The following GNB3 variants were observed in gnomAD, a reference collection of about 807,000 sequenced individuals.
GNB3 encodes the protein G protein subunit beta 3, also known as guanine nucleotide-binding protein G(I)/G(S)/G(T) subunit beta-3.
In GNB3, 33 loss-of-function variants were observed where a neutral mutation model predicts 41.2. The observed-to-expected ratio is 0.80, with a 90% CI of 0.61 to 1.07. The LOEUF is 1.07. Among genes scored for constraint, GNB3 ranks in the 50% least tolerant of loss-of-function variants. The pLI is 0.00. For synonymous variants in GNB3, 172 were observed against 173.4 expected, an observed-to-expected ratio of 0.99 and a Z score of 0.06; for missense variants, 409 against 455.3, an observed-to-expected ratio of 0.90 and a Z score of 0.92.
At chr12:6,841,075 G>GA in intron 1 of GNB3, 42 bp downstream of exon 1, 1 of 588,170 alleles carries the variant, frequency 1.7e-6, no homozygotes, top group East Asian at 2.9e-5. Context: ...CTGGGCTGGG[G>GA]CGCAGGCAGG....
chr12:6,841,441 T>A, intron 2 of GNB3, 97 bp downstream of exon 2: 2 of 1,227,112 alleles, frequency 1.6e-6, no homozygotes, highest in Non-Finnish European at 2.4e-6. Flanking sequence ...CTTGAGTGAC[T>A]AGAAGTGACC....
intron 3 of GNB3, among the ~76,000 whole-genome samples, chr12:6,842,115 ATGAGCCAGATAC>A (rs1555123538): frequency 6.6e-6 from 1 of 152,222 alleles, no homozygotes; most frequent in Non-Finnish European, 1.5e-5. Context: ...AACACTTTTT[ATGAGCCAGATAC>A]TGGGCTAAGC....
At position 6,841,543 on chromosome 12, in the gene GNB3, C is replaced by T. The variant is rs1478140950; in HGVS notation, c.58-43C>T. The T allele has an allele frequency of 3.2e-6, 5 of 1,563,156 alleles. No homozygotes were observed. The Admixed American group carries it at 5.1e-5, about 16-fold the overall frequency. On this transcript the variant is annotated intron_variant, in intron 2 of 9. Coordinates refer to ENST00000229264, the MANE Select transcript of GNB3 (RefSeq NM_002075.4). ...CCCTGAAGGCCCATGCACCTGCCAC[C>T]CCCACCTCGCCCTTGCTCCCCTGAT...
In GNB3 at chr12:6,841,336, CA is replaced by C; in HGVS notation, c.50del (p.Gln17ArgfsTer21). 1 of 1,613,322 alleles carries C rather than the reference CA, an allele frequency of 6.2e-7. No individual in the cohort carries two copies. Among genetic ancestry groups the C allele is most frequent in the Non-Finnish European group, 8.5e-7 (1 of 1,179,590 alleles). On this transcript the variant is annotated frameshift_variant, in exon 2 of 10. Transcript: ENST00000229264. LOFTEE classifies it high-confidence loss of function. ...TCAGGAAGCGGAGCAGCTCAAGAAG[CA>C]GATTGCAGTAACTCCAGAGCCCTAC... is the stretch of plus-strand genomic sequence containing the variant. ...LRQEAEQLKKQIADARKACAD... is the reference protein window; with the variant it reads ...LRQEAEQLKKXIADARKACAD...
chr12:6,846,701 C>G (rs76214301), intron 9 of GNB3, 91 bp from the exon 10 acceptor site: 4 of 683,702 alleles, frequency 5.9e-6, no homozygotes, highest in Admixed American at 4.3e-5. Flanking sequence ...ACACACACAC[C>G]CACACACCCA....
intron 3 of GNB3, chr12:6,841,898 T>C (rs1943583077): frequency 7.8e-6 from 5 of 642,298 alleles, no homozygotes; most frequent in Middle Eastern, 4.9e-4. Flanking sequence ...GAAGCGATAG[T>C]ACTTTGTAAA....
In GNB3 at chr12:6,841,688, C is replaced by CA; in HGVS notation, c.96+66dup. The CA allele has an allele frequency of 2.5e-6, 3 of 1,202,388 alleles. No individual in the cohort carries two copies. The South Asian group carries it at 3.8e-5, about 15-fold the overall frequency. The allele number at this position is 1,202,388 out of a possible 1,614,324, so 74.5% of individuals were successfully genotyped here. On this transcript the variant is annotated intron_variant, in intron 3 of 9. Transcript: ENST00000229264. ...GAGGGGAAGGGAGCTCCCCGACCCG[C>CA]AATAGCGCGTTGCTCCGAGCATTAG...
In GNB3 at chr12:6,843,378, C is replaced by T. The variant is rs1943613079; in HGVS notation, c.283C>T (p.Leu95=). 3 of 1,614,182 alleles carry T rather than the reference C, an allele frequency of 1.9e-6. No individual in the cohort carries two copies. Among genetic ancestry groups the T allele is most frequent in the Non-Finnish European group, 1.7e-6 (2 of 1,180,018 alleles). ...YTTNKVHAIP[L]RSSWVMTCAY... Reference sequence around the variant, plus strand: ...CTCCCTGCAGGTGCACGCCATCCCACTGCGCTCCTCCTGGGTCATGACCTG... The same window carrying T: ...CTCCCTGCAGGTGCACGCCATCCCATTGCGCTCCTCCTGGGTCATGACCTG... Residue 95 remains leucine, a synonymous_variant, in exon 6 of 10, where the codon CTG becomes TTG. Coordinates refer to ENST00000229264, the MANE Select transcript of GNB3 (RefSeq NM_002075.4). This position sits in a 1 kb window ranked among gnomAD's most constrained non-coding sequence, Gnocchi z 5.9.
intron 2 of GNB3, 79 bp from the exon 3 acceptor site, chr12:6,841,507 A>T: frequency 7.5e-7 from 1 of 1,328,006 alleles, no homozygotes; most frequent in African/African-American, 1.5e-5. Flanking sequence ...CAGAGCCCCA[A>T]GACCAACCTG....
Position 6,847,072 on chromosome 12 carries a change from A to G in GNB3, c.*174A>G, listed in dbSNP as rs904126187. 6.8e-6 allele frequency: 4 copies of G among 586,734 alleles called. No individual in the cohort carries two copies. Among genetic ancestry groups the G allele is most frequent in the Non-Finnish European group, 1.2e-5 (4 of 325,528 alleles). The allele number at this position is 586,734 out of a possible 1,614,324, so 36.3% of individuals were successfully genotyped here. ...GCCTTTGGGAGGCAGCATCAGGGAC[A>G]CAGGGGCAAAGAACTGCCCCATCTC... On this transcript the variant is annotated 3_prime_UTR_variant, in exon 10 of 10. Coordinates refer to ENST00000229264, the MANE Select transcript of GNB3 (RefSeq NM_002075.4).
At chr12:6,841,524 A>G in intron 2 of GNB3, 62 bp from the exon 3 acceptor site, 1 of 1,411,472 alleles carries the variant, frequency 7.1e-7, no homozygotes, top group Non-Finnish European at 9.9e-7. Flanking sequence ...CCTGCCCTGA[A>G]GGCCCATGCA....
intron 2 of GNB3, 102 bp from the exon 3 acceptor site, chr12:6,841,484 G>C: frequency 8.3e-7 from 1 of 1,197,756 alleles, no homozygotes; most frequent in Non-Finnish European, 1.2e-6. Flanking sequence ...GCATATTTGA[G>C]ACCCCCAAGC....
chr12:6,844,099 T>TTTTC, intron 8 of GNB3, 121 bp downstream of exon 8: 1 of 577,952 alleles, frequency 1.7e-6, no homozygotes, highest in East Asian at 3.1e-5. Flanking sequence ...CTGTATTTTT[T>TTTTC]TTTTTTTTTT....
At chr12:6,841,767 T>C (rs1241698937) in intron 3 of GNB3, 143 bp downstream of exon 3, 1 of 657,052 alleles carries the variant, frequency 1.5e-6, no homozygotes, top group Non-Finnish European at 2.5e-6. Context: ...TCGACCAACA[T>C]TTTAGCGGGA....
chr12:6,845,102 C>T (rs1555124308), intron 8 of GNB3: 1 of 153,610 alleles, frequency 6.5e-6, no homozygotes, highest in African/African-American at 2.4e-5. Context: ...GAACTGTTTT[C>T]CCACCTTTGT....
chr12:6,843,449 C>T lies in GNB3; in HGVS notation c.354C>T (p.Asp118=), dbSNP rs781783500. 6.2e-7 allele frequency: 1 copy of T among 1,614,062 alleles called. No homozygotes were observed. Among genetic ancestry groups the T allele is most frequent in the Non-Finnish European group, 8.5e-7 (1 of 1,179,930 alleles). Residue 118 remains aspartate, a synonymous_variant, in exon 6 of 10, where the codon GAC becomes GAT. Transcript: ENST00000229264. This position sits in a 1 kb window ranked among gnomAD's most constrained non-coding sequence, Gnocchi z 5.9. ...ACTTTGTGGCATGTGGGGGGCTGGA[C>T]AACATGTGTTCCATCTACAACCTCA... is the stretch of plus-strand genomic sequence containing the variant. ...SGNFVACGGL[D]NMCSIYNLKS... is the part of the protein sequence containing the mutation.
rs76214301 is a variant in GNB3, at chr12:6,846,701, C to A, written c.917-91C>A. On this transcript the variant is annotated intron_variant, in intron 9 of 9. Coordinates refer to ENST00000229264, the MANE Select transcript of GNB3 (RefSeq NM_002075.4). Reference sequence around the variant, plus strand: ...CACACACCCACATACACACACACACCCACACACCCACACATACACTTACAC... The same window carrying A: ...CACACACCCACATACACACACACACACACACACCCACACATACACTTACAC... The A allele has an allele frequency of 0.031, 20,949 of 683,006 alleles. 1,594 individuals carry two copies. Among genetic ancestry groups the A allele is most frequent in the African/African-American group, 0.2 (10,737 of 53,740 alleles). The allele number at this position is 683,006 out of a possible 1,614,324, so 42.3% of individuals were successfully genotyped here.
chr12:6,845,873 AC>A, intron 9 of GNB3, 71 bp downstream of exon 9: 2 of 977,278 alleles, frequency 2.0e-6, no homozygotes, highest in Non-Finnish European at 3.1e-6. Flanking sequence ...CCCATTCTGT[AC>A]CCCCCATCAG....
Position 6,843,412 on chromosome 12 carries a change from C to A in GNB3, c.317C>A (p.Ala106Asp). ...TCCTGGGTCATGACCTGTGCCTATG[C>A]CCCATCAGGGAACTTTGTGGCATGT... Reference protein sequence around the residue: ...RSSWVMTCAYAPSGNFVACGG... With the variant: ...RSSWVMTCAYDPSGNFVACGG... The change falls in exon 6 of 10, where the codon GCC (alanine) becomes GAC (aspartate). Residue 106 changes from alanine to aspartate, a missense_variant. Transcript: ENST00000229264. This position sits in a 1 kb window ranked among gnomAD's most constrained non-coding sequence, Gnocchi z 5.9. 1 of 1,614,058 alleles carries A rather than the reference C, an allele frequency of 6.2e-7. No homozygotes were observed. Among genetic ancestry groups the A allele is most frequent in the Non-Finnish European group, 8.5e-7 (1 of 1,179,898 alleles).
Sources: allele counts gnomAD v4.1 joint callset (sites outside exome capture counted in the v4.1 genomes callset), GRCh38; gene constraint gnomAD v4.1.1; non-coding constraint Gnocchi (gnomAD v3.1); transcripts MANE v1.5; gene names NCBI Gene and HGNC (gene_info 2026-07-23, HGNC 2026-07-21).